ZDHHC14: variants seen among roughly 807,000 people sequenced by gnomAD.
ZDHHC14 encodes zDHHC palmitoyltransferase 14, also known as palmitoyltransferase ZDHHC14.
A neutral mutation model predicts 47.7 loss-of-function variants in ZDHHC14; 16 were observed. The observed-to-expected ratio is 0.34, with a 90% CI of 0.23 to 0.51. The LOEUF is 0.51. Among genes scored for constraint, ZDHHC14 ranks in the 20% least tolerant of loss-of-function variants. The pLI, the probability that ZDHHC14 is intolerant of heterozygous loss-of-function variation, is 0.97. For missense variants in ZDHHC14, 515 were observed against 662.5 expected (o/e 0.78, Z 2.44); for synonymous variants, 293 against 278.9 (o/e 1.05, Z -0.50).
intron 1 of ZDHHC14, among the ~76,000 whole-genome samples, chr6:157,389,141 C>T (rs576402929): frequency 2.0e-5 from 3 of 152,094 alleles, no homozygotes; most frequent in South Asian, 2.1e-4. Context: ...TTCATGAATC[C>T]ATGTAATTCT....
At chr6:157,396,621 A>T (rs1777528422) in intron 1 of ZDHHC14, among the ~76,000 whole-genome samples, 1 of 152,238 alleles carries the variant, frequency 6.6e-6, no homozygotes, top group Admixed American at 6.5e-5. Flanking sequence ...CCTAACACAC[A>T]CAGTCAAATG....
chr6:157,537,362 T>C (rs531800985), intron 1 of ZDHHC14, among the ~76,000 whole-genome samples: 12 of 152,372 alleles, frequency 7.9e-5, no homozygotes, highest in African/African-American at 2.6e-4. Flanking sequence ...TGAATTTCTG[T>C]ACCTCTAATG....
intron 5 of ZDHHC14, among the ~76,000 whole-genome samples, chr6:157,640,807 G>A (rs745960449): frequency 3.9e-5 from 6 of 152,202 alleles, no homozygotes; most frequent in Non-Finnish European, 7.3e-5. Context: ...ACGAGAATAT[G>A]TTCTCGTTGT....
At chr6:157,532,590 A>G (rs1023956451) in intron 1 of ZDHHC14, among the ~76,000 whole-genome samples, 1 of 152,202 alleles carries the variant, frequency 6.6e-6, no homozygotes, top group African/African-American at 2.4e-5. Context: ...TGTACTTTAA[A>G]TAAATACCCA....
intron 3 of ZDHHC14, among the ~76,000 whole-genome samples, chr6:157,624,441 C>T (rs1397810439): frequency 1.3e-5 from 2 of 152,168 alleles, no homozygotes; most frequent in African/African-American, 4.8e-5. Flanking sequence ...ATTAGGAGTT[C>T]GTTCCTTGGA....
intron 2 of ZDHHC14, among the ~76,000 whole-genome samples, chr6:157,585,787 G>A (rs1783673454): frequency 6.6e-6 from 1 of 152,234 alleles, no homozygotes; most frequent in Non-Finnish European, 1.5e-5. Flanking sequence ...GGCCATGCGA[G>A]GTTGGCTCTG....
intron 3 of ZDHHC14, 38 bp from the exon 4 acceptor site, chr6:157,628,311 G>A: frequency 6.4e-7 from 1 of 1,568,530 alleles, no homozygotes; most frequent in East Asian, 2.2e-5. Flanking sequence ...TTTATTAATT[G>A]ATTTCCACTT....
At chr6:157,395,236 C>T (rs1777496836) in intron 1 of ZDHHC14, among the ~76,000 whole-genome samples, 1 of 151,630 alleles carries the variant, frequency 6.6e-6, no homozygotes. Flanking sequence ...TCATAGCTTA[C>T]CACAGCCGTG....
At chr6:157,656,055 A>G (rs1778075951) in intron 8 of ZDHHC14, among the ~76,000 whole-genome samples, 1 of 152,240 alleles carries the variant, frequency 6.6e-6, no homozygotes, top group Non-Finnish European at 1.5e-5. Context: ...GGCTTTAACC[A>G]TGGAAATGGG....
intron 1 of ZDHHC14, among the ~76,000 whole-genome samples, chr6:157,473,122 T>C (rs137890175): frequency 1.2e-3 from 182 of 152,336 alleles, no homozygotes; most frequent in Non-Finnish European, 2.1e-3. Context: ...GAAATCAGAC[T>C]ATTTAACACA....
intron 2 of ZDHHC14, among the ~76,000 whole-genome samples, chr6:157,563,539 G>A (rs1409084231): frequency 1.3e-5 from 2 of 152,194 alleles, no homozygotes. Context: ...GAGACCCCAT[G>A]GCAAGCACTT....
In ZDHHC14 at chr6:157,385,797, C is replaced by T. The variant is rs148095400; in HGVS notation, c.245+3531C>T. The stretch of plus-strand genomic sequence containing the variant: ...CTTTCTGACTAATTGTGCTGCTCCT[C>T]GTTCAAGTCTAGGGTACTGGTTAAA... On this transcript the variant is annotated intron_variant, in intron 1 of 8. Coordinates refer to ENST00000359775, the MANE Select transcript of ZDHHC14 (RefSeq NM_024630.3). Among the ~76,000 whole-genome samples the T allele has an allele frequency of 1.4e-3, 213 of 152,312 alleles. 4 individuals carry two copies. The East Asian group carries it at 0.037, about 26-fold the overall frequency.
chr6:157,454,392 T>C (rs1778866707), intron 1 of ZDHHC14, among the ~76,000 whole-genome samples: 1 of 152,238 alleles, frequency 6.6e-6, no homozygotes, highest in South Asian at 2.1e-4. Flanking sequence ...ACCACACTCT[T>C]TAATTTCAGA....
rs975576028 is a variant in ZDHHC14 at position 157,677,966 on chromosome 6, T to A, written c.*4844T>A. 1 of 151,084 alleles carries A rather than the reference T, an allele frequency of 6.6e-6. No homozygotes were observed. Among genetic ancestry groups the A allele is most frequent in the African/African-American group, 2.4e-5 (1 of 41,024 alleles). 9.4% of individuals were successfully genotyped at this position (151,084 alleles called of 1,614,324 possible). ...AAAAAAAAAAAGCATTTTAAACTCTTAGTGAATTCAAAGCTCTAAATCCAA... is the reference window on the plus strand; with the variant it reads ...AAAAAAAAAAAGCATTTTAAACTCTAAGTGAATTCAAAGCTCTAAATCCAA... On this transcript the variant is annotated 3_prime_UTR_variant, in exon 9 of 9. Transcript: ENST00000359775.
intron 1 of ZDHHC14, among the ~76,000 whole-genome samples, chr6:157,522,140 C>G (rs1287181883): frequency 1.3e-5 from 2 of 152,114 alleles, no homozygotes; most frequent in Non-Finnish European, 2.9e-5. Flanking sequence ...GAATGACGTC[C>G]TTCAATGACC....
intron 4 of ZDHHC14, 53 bp from the exon 5 acceptor site, chr6:157,632,781 C>T: frequency 3.2e-6 from 5 of 1,547,734 alleles, no homozygotes; most frequent in African/African-American, 1.4e-5. Flanking sequence ...AGAGAGCATT[C>T]AGCATGAAGG....
chr6:157,433,502 G>A (rs1243583886), intron 1 of ZDHHC14, among the ~76,000 whole-genome samples: 1 of 152,204 alleles, frequency 6.6e-6, no homozygotes, highest in African/African-American at 2.4e-5. Context: ...AGCCTGGGCC[G>A]TGATGTTCAG....
intron 3 of ZDHHC14, among the ~76,000 whole-genome samples, chr6:157,623,994 C>A (rs988446125): frequency 1.3e-5 from 2 of 152,208 alleles, no homozygotes; most frequent in Admixed American, 1.3e-4. Context: ...ACACGTGCCC[C>A]TAACCCTACC....
At chr6:157,670,216 C>T (rs1012750436) in intron 8 of ZDHHC14, among the ~76,000 whole-genome samples, 3 of 152,178 alleles carry the variant, frequency 2.0e-5, no homozygotes, top group Non-Finnish European at 4.4e-5. Flanking sequence ...GGAGAAGCAC[C>T]GCCGTGGCAC....
Sources: gnomAD v4.1 joint callset for allele counts (sites outside exome capture counted in the v4.1 genomes callset) on GRCh38, gnomAD v4.1.1 for gene constraint, MANE v1.5 for transcripts, NCBI Gene and HGNC (gene_info 2026-07-23, HGNC 2026-07-21) for gene names.